The following TOPAZ1 variants were observed in gnomAD, a reference collection of about 807,000 sequenced individuals.
TOPAZ1 encodes the protein testis and ovary specific TOPAZ 1.
In TOPAZ1, 66 loss-of-function variants were observed where a neutral mutation model predicts 172.2. That is an observed-to-expected ratio of 0.38 (90% CI 0.31 to 0.47). The LOEUF (loss-of-function observed/expected upper bound fraction) is 0.47. Among genes scored for constraint, TOPAZ1 ranks in the 20% least tolerant of loss-of-function variants. The pLI is 0.99. For synonymous variants in TOPAZ1, 681 were observed against 683.9 expected, an observed-to-expected ratio of 1.00 and a Z score of 0.07; for missense variants, 1,822 against 1,972.4, an observed-to-expected ratio of 0.92 and a Z score of 1.44.
chr3:44,318,183 C>T (rs1700471071), intron 16 of TOPAZ1, among the ~76,000 whole-genome samples: 1 of 152,042 alleles, frequency 6.6e-6, no homozygotes, highest in Admixed American at 6.6e-5. Context: ...CATGGTGGCT[C>T]ACGCCTGTAA....
intron 12 of TOPAZ1, among the ~76,000 whole-genome samples, chr3:44,296,823 T>A (rs1575725695): frequency 2.9e-5 from 3 of 103,452 alleles, no homozygotes. Flanking sequence ...TTACCCAGCC[T>A]CCAAAACCAG....
chr3:44,292,571 C>T (rs1700149473), intron 12 of TOPAZ1, among the ~76,000 whole-genome samples: 2 of 152,148 alleles, frequency 1.3e-5, no homozygotes, highest in African/African-American at 4.8e-5. Context: ...TGAATAGCTA[C>T]TGAACTTCAC....
At chr3:44,332,202 A>T, downstream of TOPAZ1, 1 of 535,530 alleles carries the variant, frequency 1.9e-6, no homozygotes, top group South Asian at 2.8e-5. Flanking sequence ...CAGAAAAGTG[A>T]CTTTTCAGAT....
At chr3:44,301,905 TA>T (rs1410071677) in intron 12 of TOPAZ1, among the ~76,000 whole-genome samples, 1 of 152,232 alleles carries the variant, frequency 6.6e-6, no homozygotes, top group Non-Finnish European at 1.5e-5. Flanking sequence ...GAGTCAAGGT[TA>T]TGTTTTATTG....
Position 44,242,368 on chromosome 3 carries a change from G to A in TOPAZ1, c.315G>A (p.Glu105=), listed in dbSNP as rs868617506. 5 of 1,552,368 alleles carry A rather than the reference G, an allele frequency of 3.2e-6. No individual in the cohort carries two copies. The highest frequency in any genetic ancestry group is 3.3e-4 in the Middle Eastern group (2 of 5,998). The part of the protein sequence containing the change: ...SDPRGLEAAK[E]AELPLQTERH... ...CGCGAGGCCTAGAAGCAGCAAAGGA[G>A]GCTGAACTCCCCTTGCAAACGGAAA... Residue 105 remains glutamate (E), a synonymous_variant, in exon 1 of 20, where the codon GAG becomes GAA. Coordinates refer to ENST00000309765, the MANE Select transcript of TOPAZ1 (RefSeq NM_001145030.2).
chr3:44,290,073 G>A (rs986944678), intron 11 of TOPAZ1, among the ~76,000 whole-genome samples: 11 of 152,122 alleles, frequency 7.2e-5, no homozygotes, highest in African/African-American at 2.7e-4. Context: ...TTTGAACCAA[G>A]GTCAAGAGGA....
chr3:44,335,746 G>A (rs1004072063), downstream of TOPAZ1, among the ~76,000 whole-genome samples: 3 of 152,174 alleles, frequency 2.0e-5, no homozygotes, highest in African/African-American at 7.2e-5. Flanking sequence ...TAGGGCTGAG[G>A]TCAGGGCTGA....
rs1415660292 is a variant in TOPAZ1 at position 44,287,641 on chromosome 3, T to C, written c.3588+101T>C. The C allele has an allele frequency of 3.8e-6, 4 of 1,047,832 alleles. No individual in the cohort carries two copies. The East Asian group carries it at 8.6e-5, about 22-fold the overall frequency. The allele number at this position is 1,047,832 out of a possible 1,614,324, so 64.9% of individuals were successfully genotyped here. On this transcript the variant is annotated intron_variant, in intron 10 of 19. Coordinates refer to ENST00000309765, the MANE Select transcript of TOPAZ1 (RefSeq NM_001145030.2). ...CAGTTGAATTTCTGTATTTGTTGAA[T>C]ACTTCCTAGAAACCACTTGTGTTTT... is the stretch of plus-strand genomic sequence containing the variant.
rs753884819 is a variant in TOPAZ1, at chr3:44,244,390, T to TA, written c.1893dup (p.Ala632SerfsTer2). The TA allele has an allele frequency of 1.9e-5, 29 of 1,543,480 alleles. No homozygotes were observed. The Admixed American group carries it at 2.0e-4, about 11-fold the overall frequency. On this transcript the variant is annotated frameshift_variant, in exon 2 of 20. Transcript: ENST00000309765. LOFTEE classifies it high-confidence loss of function. Reference sequence around the variant, plus strand: ...GTGAGACTCAAAGCTTAACGGGAAATAAAAAAAAAGCTAGAGGAAATTTAA... The same window carrying TA: ...GTGAGACTCAAAGCTTAACGGGAAATAAAAAAAAAAGCTAGAGGAAATTTAA...
At chr3:44,301,970 C>T (rs546764818) in intron 12 of TOPAZ1, among the ~76,000 whole-genome samples, 8 of 152,218 alleles carry the variant, frequency 5.3e-5, no homozygotes, top group South Asian at 4.1e-4. Flanking sequence ...CAAACTGGCA[C>T]GTTTTCTTTT....
intron 1 of TOPAZ1, 130 bp downstream of exon 1, chr3:44,242,529 G>GA (rs1189969334): frequency 9.7e-7 from 1 of 1,032,120 alleles, no homozygotes; most frequent in Non-Finnish European, 1.4e-6. Context: ...CAGGAGATGG[G>GA]AAAAATGGAT....
Position 44,248,907 on chromosome 3 carries a change from G to A in TOPAZ1, c.2765+3636G>A, listed in dbSNP as rs116123549. Among the ~76,000 whole-genome samples, 456 of 152,282 alleles carry A rather than the reference G, an allele frequency of 3.0e-3. 3 individuals are homozygous for A. The highest frequency in any genetic ancestry group is 0.01 in the African/African-American group (433 of 41,548). Reference sequence around the variant, plus strand: ...TGGGGAGAATTTGGAAGGTGTCTAAGTCATGATAGAATGCTTATTTGTTTT... The same window carrying A: ...TGGGGAGAATTTGGAAGGTGTCTAAATCATGATAGAATGCTTATTTGTTTT... On this transcript the variant is annotated intron_variant, in intron 2 of 19. Coordinates refer to ENST00000309765, the MANE Select transcript of TOPAZ1 (RefSeq NM_001145030.2).
chr3:44,273,110 C>T (rs1447782871), intron 8 of TOPAZ1, among the ~76,000 whole-genome samples: 1 of 152,198 alleles, frequency 6.6e-6, no homozygotes, highest in Admixed American at 6.5e-5. Flanking sequence ...ACTTTGTTTC[C>T]ACATTCAGTC....
rs1325481094 is a variant in TOPAZ1 at position 44,281,970 on chromosome 3, T to C, written c.3375T>C (p.Val1125=). 7.1e-6 allele frequency: 11 copies of C among 1,545,002 alleles called. No homozygotes were observed. The Admixed American group carries it at 2.2e-4, about 31-fold the overall frequency. ...AHVPEQGDEK[V]CMDVFKKYIN... is the part of the protein sequence containing the mutation. ...TACATTTTTCGTGACTTTTGCAGGTTTGCATGGATGTGTTTAAGAAATATA... is the reference window on the plus strand; with the variant it reads ...TACATTTTTCGTGACTTTTGCAGGTCTGCATGGATGTGTTTAAGAAATATA... The change falls in exon 9 of 20, where the codon GTT becomes GTC. Residue 1125 remains valine, a splice_region_variant and synonymous_variant. Transcript: ENST00000309765.
In TOPAZ1 at chr3:44,242,988, G is replaced by A; in HGVS notation, c.482G>A (p.Ser161Asn). ...TGCTTGCAGTCTTTGGGTAAGGAAAGTATAATAGAAGGTATTAAAAGAAGA... is the reference window on the plus strand; with the variant it reads ...TGCTTGCAGTCTTTGGGTAAGGAAAATATAATAGAAGGTATTAAAAGAAGA... Reference protein sequence around the residue: ...VECLQSLGKESIIEGIKRRIR... With the variant: ...VECLQSLGKENIIEGIKRRIR... The change falls in exon 2 of 20, where the codon AGT becomes AAT. Residue 161 changes from serine (S) to asparagine (N), a missense_variant. By Grantham distance (46) the Ser-to-Asn change is conservative. Coordinates refer to ENST00000309765, the MANE Select transcript of TOPAZ1 (RefSeq NM_001145030.2). 1 of 1,550,178 alleles carries A rather than the reference G, an allele frequency of 6.5e-7. No homozygotes were observed.
At chr3:44,317,159 G>A (rs1278989069) in intron 16 of TOPAZ1, among the ~76,000 whole-genome samples, 4 of 152,178 alleles carry the variant, frequency 2.6e-5, no homozygotes, top group African/African-American at 4.8e-5. Context: ...GGTGGCTCAC[G>A]CCTGTAATCC....
chr3:44,299,477 A>C (rs1700243380), intron 12 of TOPAZ1, among the ~76,000 whole-genome samples: 1 of 151,870 alleles, frequency 6.6e-6, no homozygotes, highest in Non-Finnish European at 1.5e-5. Flanking sequence ...GATGTGGAGA[A>C]ATAGGAACAC....
At chr3:44,259,756 G>T (rs966493152) in intron 4 of TOPAZ1, among the ~76,000 whole-genome samples, 19 of 151,980 alleles carry the variant, frequency 1.3e-4, no homozygotes, top group African/African-American at 4.6e-4. Context: ...TTAATTTTTT[G>T]TCCATCTGCT....
At chr3:44,269,179 CAT>C (rs1185940385) in intron 6 of TOPAZ1, 35 bp from the exon 7 acceptor site, 5 of 1,096,594 alleles carry the variant, frequency 4.6e-6, no homozygotes, top group Non-Finnish European at 6.8e-6. Flanking sequence ...TAAGTTGTAA[CAT>C]ATTGGTGTGT....
Sources: gnomAD v4.1 joint callset for allele counts (sites outside exome capture counted in the v4.1 genomes callset) on GRCh38, gnomAD v4.1.1 for gene constraint, MANE v1.5 for transcripts, NCBI Gene and HGNC (gene_info 2026-07-23, HGNC 2026-07-21) for gene names.